The following NDFIP2 variants were observed in gnomAD, a reference collection of about 807,000 sequenced individuals.
NDFIP2 encodes the protein NEDD4 family-interacting protein 2.
In NDFIP2, 19 loss-of-function variants were observed where a neutral mutation model predicts 36.0. The ratio of observed to expected loss-of-function variants is 0.53; its 90% CI spans 0.37 to 0.77. The LOEUF (loss-of-function observed/expected upper bound fraction) is 0.77. Ranked by LOEUF, NDFIP2 falls within the 30% of genes least tolerant of loss-of-function variation. The pLI is 0.00. For missense variants in NDFIP2, 446 were observed against 435.8 expected, an observed-to-expected ratio of 1.02 and a Z score of -0.21; for synonymous variants, 181 against 167.7, an observed-to-expected ratio of 1.08 and a Z score of -0.61.
At chr13:79,494,071 A>G (rs898309164) in intron 1 of NDFIP2, among the ~76,000 whole-genome samples, 1 of 152,078 alleles carries the variant, frequency 6.6e-6, no homozygotes, top group African/African-American at 2.4e-5. Context: ...TAACATATGC[A>G]GTTTCAGCCA....
chr13:79,553,826 G>T lies in NDFIP2; in HGVS notation c.*1313G>T, dbSNP rs1057414415. The T allele has an allele frequency of 2.0e-5, 3 of 151,330 alleles. No individual in the cohort carries two copies. The highest frequency in any genetic ancestry group is 3.0e-5 in the Non-Finnish European group (2 of 67,344). The allele number at this position is 151,330 out of a possible 1,614,324, so 9.4% of individuals were successfully genotyped here. ...TTATGTCTCATCTGTTTTTCCTTTC[G>T]GTTATATCTTTGGTTTTGAATACCA... is the stretch of plus-strand genomic sequence containing the variant. On this transcript the variant is annotated 3_prime_UTR_variant, in exon 8 of 8. Coordinates refer to ENST00000218652, the MANE Select transcript of NDFIP2 (RefSeq NM_019080.3).
Position 79,487,955 on chromosome 13 carries a change from TAGAG to T in NDFIP2, c.321+6436_321+6439del, listed in dbSNP as rs1264043387. Among the ~76,000 whole-genome samples the T allele has an allele frequency of 2.6e-5, 4 of 152,060 alleles. No individual in the cohort carries two copies. The South Asian group carries it at 6.2e-4, about 24-fold the overall frequency. ...CGAATCTATAATTGAAAGAAGGAGGTAGAGAGAGTTTCTGACCTCTGTCATCAGC... is the reference window on the plus strand; with the variant it reads ...CGAATCTATAATTGAAAGAAGGAGGTAGAGTTTCTGACCTCTGTCATCAGC... On this transcript the variant is annotated intron_variant, in intron 1 of 7. Transcript: ENST00000218652.
At chr13:79,481,784 C>T (rs1259002953) in intron 1 of NDFIP2, among the ~76,000 whole-genome samples, 1 of 152,118 alleles carries the variant, frequency 6.6e-6, no homozygotes, top group African/African-American at 2.4e-5. Flanking sequence ...TGTGAGACGC[C>T]CTCCCTCCAC....
intron 1 of NDFIP2, among the ~76,000 whole-genome samples, chr13:79,483,827 A>G (rs1316357154): frequency 2.0e-5 from 3 of 152,196 alleles, no homozygotes; most frequent in Non-Finnish European, 2.9e-5. Context: ...ATAACAGTTT[A>G]GAGCTACAAA....
intron 5 of NDFIP2, among the ~76,000 whole-genome samples, chr13:79,543,929 T>C (rs937749578): frequency 7.3e-5 from 11 of 151,248 alleles, no homozygotes; most frequent in African/African-American, 1.2e-4. Context: ...GAATCTCATC[T>C]TTTTTATATG....
At chr13:79,534,862 C>A (rs943903616) in intron 3 of NDFIP2, among the ~76,000 whole-genome samples, 40 of 152,066 alleles carry the variant, frequency 2.6e-4, no homozygotes, top group African/African-American at 9.7e-4. Flanking sequence ...CAGCAATAAC[C>A]CTATTTATGC....
intron 3 of NDFIP2, among the ~76,000 whole-genome samples, chr13:79,534,767 A>G (rs879609180): frequency 1.3e-5 from 2 of 152,166 alleles, no homozygotes; most frequent in Non-Finnish European, 2.9e-5. Flanking sequence ...CATGTATGGC[A>G]TTCTCCTCTA....
intron 1 of NDFIP2, among the ~76,000 whole-genome samples, chr13:79,501,743 A>G (rs1873676704): frequency 6.6e-6 from 1 of 152,138 alleles, no homozygotes; most frequent in Non-Finnish European, 1.5e-5. Flanking sequence ...AATCACTAAC[A>G]ACAGTATGTC....
At chr13:79,521,862 G>T (rs1242438575) in intron 2 of NDFIP2, among the ~76,000 whole-genome samples, 2 of 134,402 alleles carry the variant, frequency 1.5e-5, no homozygotes, top group Non-Finnish European at 3.1e-5. Context: ...TTACTCTGTC[G>T]CCCAGGCTGG....
intron 1 of NDFIP2, among the ~76,000 whole-genome samples, chr13:79,489,809 C>G (rs1338555086): frequency 6.6e-6 from 1 of 152,126 alleles, no homozygotes; most frequent in Non-Finnish European, 1.5e-5. Context: ...AAAACAGAAA[C>G]AAATTTTATG....
At chr13:79,505,899 A>G (rs1054732491) in intron 1 of NDFIP2, among the ~76,000 whole-genome samples, 3 of 152,076 alleles carry the variant, frequency 2.0e-5, no homozygotes, top group East Asian at 1.9e-4. Flanking sequence ...ATGTATTATT[A>G]GTGTTAAATT....
intron 5 of NDFIP2, among the ~76,000 whole-genome samples, chr13:79,545,285 T>C (rs1287872136): frequency 1.3e-5 from 2 of 152,202 alleles, no homozygotes; most frequent in Non-Finnish European, 2.9e-5. Context: ...ATACAACTTA[T>C]GTCCTTAAAG....
chr13:79,528,379 G>A (rs1428265307), intron 2 of NDFIP2, among the ~76,000 whole-genome samples: 1 of 152,158 alleles, frequency 6.6e-6, no homozygotes, highest in Non-Finnish European at 1.5e-5. Flanking sequence ...TTATAAAAGA[G>A]TCACAAAGTT....
At chr13:79,544,345 A>C (rs911000225) in intron 5 of NDFIP2, among the ~76,000 whole-genome samples, 4 of 152,308 alleles carry the variant, frequency 2.6e-5, no homozygotes, top group Non-Finnish European at 5.9e-5. Flanking sequence ...GATAGTGCGT[A>C]GGGAGACAAG....
intron 1 of NDFIP2, among the ~76,000 whole-genome samples, chr13:79,520,198 T>A (rs1874513278): frequency 1.3e-5 from 2 of 152,264 alleles, no homozygotes; most frequent in South Asian, 4.1e-4. Context: ...TTAATTCAGC[T>A]TTCATTTCTG....
intron 5 of NDFIP2, among the ~76,000 whole-genome samples, chr13:79,545,526 G>A (rs1470743558): frequency 1.3e-5 from 2 of 152,128 alleles, no homozygotes; most frequent in Non-Finnish European, 1.5e-5. Context: ...TGTGTACTAA[G>A]AAGTGTTATA....
rs147257135 is a variant in NDFIP2, at chr13:79,547,096, A to C, written c.841-1232A>C. Among the ~76,000 whole-genome samples the C allele has an allele frequency of 2.3e-3, 357 of 152,122 alleles. 1 individual carries two copies. Among genetic ancestry groups the C allele is most frequent in the Middle Eastern group, 6.8e-3 (2 of 294 alleles). On this transcript the variant is annotated intron_variant, in intron 5 of 7. Transcript: ENST00000218652. ...AATATGAAATTACTATAAATACTGA[A>C]ATTACTATAAATGGTTTATTTATTA...
chr13:79,523,421 T>C (rs1874664867), intron 2 of NDFIP2, among the ~76,000 whole-genome samples: 1 of 152,170 alleles, frequency 6.6e-6, no homozygotes, highest in Non-Finnish European at 1.5e-5. Context: ...CATTTCACCA[T>C]GTTGGTCAGG....
chr13:79,522,819 C>T (rs1874637778), intron 2 of NDFIP2, among the ~76,000 whole-genome samples: 1 of 152,196 alleles, frequency 6.6e-6, no homozygotes, highest in Non-Finnish European at 1.5e-5. Context: ...TGTTATGATA[C>T]TGTCTCAAAT....
Sources: gnomAD v4.1 joint callset for allele counts (sites outside exome capture counted in the v4.1 genomes callset) on GRCh38, gnomAD v4.1.1 for gene constraint, MANE v1.5 for transcripts, NCBI Gene and HGNC (gene_info 2026-07-23, HGNC 2026-07-21) for gene names.